Variants in CCDC91 observed in about 807,000 individuals in gnomAD.
CCDC91 encodes the protein coiled-coil domain-containing protein 91.
A neutral mutation model predicts 63.2 loss-of-function variants in CCDC91; 48 were observed. The observed-to-expected ratio is 0.76, with a 90% CI of 0.60 to 0.97. CCDC91 has a LOEUF of 0.97. Among genes scored for constraint, CCDC91 ranks in the 50% least tolerant of loss-of-function variants. The probability of loss-of-function intolerance (pLI) is 0.00; values close to 1 mark genes in which losing one functional copy is unlikely to be tolerated. For synonymous variants in CCDC91, 167 were observed against 165.8 expected, an observed-to-expected ratio of 1.01 and a Z score of -0.06; for missense variants, 500 against 494.6, an observed-to-expected ratio of 1.01 and a Z score of -0.10.
chr12:28,364,961 T>C (rs1397999064), intron 7 of CCDC91, among the ~76,000 whole-genome samples: 2 of 152,234 alleles, frequency 1.3e-5, no homozygotes, highest in African/African-American at 2.4e-5. Context: ...CTCAGAGTAC[T>C]ATAATATTAT....
chr12:28,493,912 A>G (rs113840951), intron 12 of CCDC91, among the ~76,000 whole-genome samples: 77 of 151,838 alleles, frequency 5.1e-4, no homozygotes, highest in African/African-American at 1.9e-3. Flanking sequence ...GTCCATGTAT[A>G]TGAGAGTCAT....
Position 28,259,403 on chromosome 12 carries a change from A to G in CCDC91, c.70A>G (p.Thr24Ala). 6.2e-7 allele frequency: 1 copy of G among 1,611,952 alleles called. No homozygotes were observed. Among genetic ancestry groups the G allele is most frequent in the Non-Finnish European group, 8.5e-7 (1 of 1,178,718 alleles). Residue 24 changes from threonine (T) to alanine (A), a missense_variant, in exon 3 of 13, where the codon ACA becomes GCA. Thr to Ala is a moderately conservative substitution (Grantham distance 58). Coordinates refer to ENST00000536442, the MANE Select transcript of CCDC91 (RefSeq NM_018318.5). Reference protein sequence around the residue: ...TFDGGSGETQTTSPAIPWAAF... With the variant: ...TFDGGSGETQATSPAIPWAAF... ...TGATGGTGGAAGTGGTGAAACCCAA[A>G]CAACATCTCCTGCTATTCCTTGGGC...
chr12:28,399,321 C>G (rs1946476016), intron 8 of CCDC91, among the ~76,000 whole-genome samples: 1 of 152,102 alleles, frequency 6.6e-6, no homozygotes, highest in Non-Finnish European at 1.5e-5. Context: ...TGTGAGAACT[C>G]AACTATCATG....
chr12:28,369,261 C>G (rs1376158087), intron 7 of CCDC91, among the ~76,000 whole-genome samples: 1 of 152,126 alleles, frequency 6.6e-6, no homozygotes, highest in Admixed American at 6.5e-5. Context: ...GGTAAATGCT[C>G]CCATTCAAAA....
chr12:28,367,792 A>T lies in CCDC91; in HGVS notation c.654+5277A>T, dbSNP rs547563953. ...TGTTTTTGTGAGGATTTTTTTTTTT[A>T]ATTCAGATAAGATTAACATTTACAT... On this transcript the variant is annotated intron_variant, in intron 7 of 12. Transcript: ENST00000536442. 4.0e-5 allele frequency among the ~76,000 whole-genome samples: 6 copies of T among 151,832 alleles called. No individual in the cohort carries two copies. The East Asian group carries it at 9.7e-4, about 24-fold the overall frequency.
intron 11 of CCDC91, among the ~76,000 whole-genome samples, chr12:28,476,147 A>T (rs576246391): frequency 6.4e-4 from 98 of 151,948 alleles, no homozygotes; most frequent in Non-Finnish European, 1.1e-3. Flanking sequence ...TCGTAACTTT[A>T]AATGAAACTG....
intron 1 of CCDC91, among the ~76,000 whole-genome samples, chr12:28,194,222 A>G (rs1359103531): frequency 2.6e-5 from 4 of 152,256 alleles, no homozygotes; most frequent in African/African-American, 9.6e-5. Flanking sequence ...TTTTGCATAT[A>G]GTGTGAGGTA....
At chr12:28,477,781 C>G (rs1466460761) in intron 11 of CCDC91, among the ~76,000 whole-genome samples, 1 of 152,138 alleles carries the variant, frequency 6.6e-6, no homozygotes, top group Non-Finnish European at 1.5e-5. Flanking sequence ...GATACAAAAT[C>G]AATGTGCAAA....
chr12:28,386,735 A>G (rs894189917), intron 7 of CCDC91, among the ~76,000 whole-genome samples: 1 of 152,236 alleles, frequency 6.6e-6, no homozygotes, highest in Admixed American at 6.5e-5. Flanking sequence ...GGATAATACT[A>G]CAAATCTCTG....
In CCDC91 at chr12:28,331,260, T is replaced by G. The variant is rs1386043045; in HGVS notation, c.576+23511T>G. ...CCCACAGTATGTTTAAATACAATCT[T>G]AACGCCATGCTTGTGGTTTTTGAGT... On this transcript the variant is annotated intron_variant, in intron 6 of 12. Coordinates refer to ENST00000536442, the MANE Select transcript of CCDC91 (RefSeq NM_018318.5). Among the ~76,000 whole-genome samples the G allele has an allele frequency of 3.3e-5, 5 of 152,210 alleles. No homozygotes were observed. The East Asian group carries it at 9.6e-4, about 29-fold the overall frequency.
chr12:28,378,897 C>T (rs1945108458), intron 7 of CCDC91, among the ~76,000 whole-genome samples: 1 of 152,064 alleles, frequency 6.6e-6, no homozygotes, highest in African/African-American at 2.4e-5. Flanking sequence ...GAGAATACTT[C>T]TGTGTGCCTC....
chr12:28,452,849 G>C (rs34574200), intron 11 of CCDC91, among the ~76,000 whole-genome samples, 195 bp downstream of exon 11: 67 of 151,508 alleles, frequency 4.4e-4, no homozygotes, highest in Non-Finnish European at 9.0e-4. Context: ...TCATCTTTCT[G>C]ATATTGAAAA....
intron 1 of CCDC91, chr12:28,236,341 A>G (rs141001889): frequency 6.6e-6 from 1 of 152,102 alleles, no homozygotes; most frequent in East Asian, 1.9e-4. Context: ...ATTTTATGTT[A>G]TTTGATAAAT....
At chr12:28,321,539 G>T (rs1264399426) in intron 6 of CCDC91, among the ~76,000 whole-genome samples, 2 of 151,826 alleles carry the variant, frequency 1.3e-5, no homozygotes, top group African/African-American at 4.8e-5. Context: ...GCCTTTGGGA[G>T]TAAATTAGGT....
intron 1 of CCDC91, among the ~76,000 whole-genome samples, chr12:28,243,394 CAT>C (rs1203984594): frequency 1.3e-5 from 2 of 152,158 alleles, no homozygotes; most frequent in Non-Finnish European, 2.9e-5. Flanking sequence ...GAAAGTTAAA[CAT>C]GTTTAAAATG....
intron 3 of CCDC91, among the ~76,000 whole-genome samples, chr12:28,272,291 G>A (rs1437241959): frequency 6.6e-6 from 1 of 151,892 alleles, no homozygotes; most frequent in Non-Finnish European, 1.5e-5. Flanking sequence ...AGCCCAAAAA[G>A]CTCAACAAAT....
At chr12:28,477,614 C>T (rs541028458) in intron 11 of CCDC91, among the ~76,000 whole-genome samples, 4 of 151,998 alleles carry the variant, frequency 2.6e-5, no homozygotes, top group East Asian at 1.9e-4. Context: ...AAGTTCTGGC[C>T]GGGGCAATCA....
At chr12:28,292,571 G>A (rs1949317062) in intron 3 of CCDC91, among the ~76,000 whole-genome samples, 1 of 151,496 alleles carries the variant, frequency 6.6e-6, no homozygotes, top group Non-Finnish European at 1.5e-5. Context: ...ATGGGTTGAT[G>A]GCACATGTGT....
chr12:28,390,140 C>T (rs780582544), intron 7 of CCDC91, among the ~76,000 whole-genome samples: 1 of 151,984 alleles, frequency 6.6e-6, no homozygotes, highest in African/African-American at 2.4e-5. Context: ...TACTTTTGCA[C>T]AAGAAAGTTA....
Sources: allele counts gnomAD v4.1 joint callset (sites outside exome capture counted in the v4.1 genomes callset), GRCh38; gene constraint gnomAD v4.1.1; transcripts MANE v1.5; gene names NCBI Gene and HGNC (gene_info 2026-07-23, HGNC 2026-07-21).